TSPAN9: variants seen among roughly 807,000 people sequenced by gnomAD.
The protein encoded by TSPAN9 is tetraspanin-9.
A neutral mutation model predicts 31.0 loss-of-function variants in TSPAN9; 16 were observed. That is an observed-to-expected ratio of 0.52 (90% CI 0.35 to 0.78). The LOEUF (loss-of-function observed/expected upper bound fraction) is 0.78. Ranked by LOEUF, TSPAN9 falls within the 30% of genes least tolerant of loss-of-function variation. The pLI, the probability that TSPAN9 is intolerant of heterozygous loss-of-function variation, is 0.01. For synonymous variants in TSPAN9, 145 were observed against 121.6 expected, an observed-to-expected ratio of 1.19 and a Z score of -1.27; for missense variants, 272 against 312.5, an observed-to-expected ratio of 0.87 and a Z score of 0.98.
At chr12:3,079,035 A>C (rs2098296504) in intron 1 of TSPAN9, among the ~76,000 whole-genome samples, 1 of 148,448 alleles carries the variant, frequency 6.7e-6, no homozygotes, top group South Asian at 2.1e-4. Flanking sequence ...GCTGGAGTGC[A>C]GTGGCAGGAT....
At chr12:3,098,214 A>T (rs2153964135) in intron 2 of TSPAN9, among the ~76,000 whole-genome samples, 1 of 152,170 alleles carries the variant, frequency 6.6e-6, no homozygotes, top group East Asian at 1.9e-4. Flanking sequence ...ATGATGCCTG[A>T]AGTCCTTTCT....
At chr12:3,167,582 A>T (rs2098349194) in intron 2 of TSPAN9, among the ~76,000 whole-genome samples, 1 of 152,186 alleles carries the variant, frequency 6.6e-6, no homozygotes, top group Non-Finnish European at 1.5e-5. Context: ...GCTGGAAGGG[A>T]TGATGGTGAT....
intron 2 of TSPAN9, among the ~76,000 whole-genome samples, chr12:3,139,822 A>C (rs898260726): frequency 1.3e-5 from 2 of 152,166 alleles, no homozygotes; most frequent in African/African-American, 4.8e-5. Flanking sequence ...TGTTAGGATT[A>C]CAGGCAGGAG....
intron 3 of TSPAN9, among the ~76,000 whole-genome samples, chr12:3,251,680 A>G (rs1380698778): frequency 6.6e-6 from 1 of 152,262 alleles, no homozygotes; most frequent in East Asian, 1.9e-4. Flanking sequence ...GGACAGAGGG[A>G]CACACAGGAC....
intron 3 of TSPAN9, among the ~76,000 whole-genome samples, chr12:3,213,346 G>A (rs1023983721): frequency 1.3e-5 from 2 of 152,198 alleles, no homozygotes. Flanking sequence ...CTCAAGGGGG[G>A]CTTCCCCCGC....
At chr12:3,138,064 C>T (rs1009493138) in intron 2 of TSPAN9, among the ~76,000 whole-genome samples, 3 of 152,202 alleles carry the variant, frequency 2.0e-5, no homozygotes, top group Admixed American at 6.5e-5. Flanking sequence ...CTCAGCACTC[C>T]CTTCAGGAGC....
chr12:3,184,408 AAAG>A, intron 2 of TSPAN9, among the ~76,000 whole-genome samples: 1 of 148,936 alleles, frequency 6.7e-6, no homozygotes, highest in African/African-American at 2.6e-5. Context: ...AAAAAGAAAA[AAAG>A]AAAGAAAGAG....
At chr12:3,100,110 C>G (rs2153964305) in intron 2 of TSPAN9, among the ~76,000 whole-genome samples, 1 of 152,248 alleles carries the variant, frequency 6.6e-6, no homozygotes, top group Admixed American at 6.5e-5. Context: ...TCCCAAAGTG[C>G]TGGGATTACA....
intron 2 of TSPAN9, among the ~76,000 whole-genome samples, chr12:3,152,980 C>A (rs547614528): frequency 2.6e-5 from 4 of 152,228 alleles, no homozygotes; most frequent in African/African-American, 9.7e-5. Context: ...ACACACCTGA[C>A]GGGTGGGGGC....
chr12:3,226,811 C>A (rs1322008926), intron 3 of TSPAN9, among the ~76,000 whole-genome samples: 2 of 68,690 alleles, frequency 2.9e-5, no homozygotes, highest in South Asian at 5.8e-4. Flanking sequence ...TTTTTTTTTC[C>A]CTCTTCGAAC....
At chr12:3,277,958 C>T (rs1455291421) in intron 3 of TSPAN9, among the ~76,000 whole-genome samples, 1 of 152,204 alleles carries the variant, frequency 6.6e-6, no homozygotes, top group African/African-American at 2.4e-5. Context: ...CCAAGAAACC[C>T]GACTCCGAGG....
chr12:3,153,673 A>G (rs2098340910), intron 2 of TSPAN9, among the ~76,000 whole-genome samples: 1 of 152,124 alleles, frequency 6.6e-6, no homozygotes, highest in Admixed American at 6.5e-5. Context: ...ATACATTAAT[A>G]TGTTAATATT....
Position 3,238,687 on chromosome 12 carries a change from G to A in TSPAN9, c.63+37431G>A, listed in dbSNP as rs184960784. On this transcript the variant is annotated intron_variant, in intron 3 of 8. Coordinates refer to ENST00000011898, the MANE Select transcript of TSPAN9 (RefSeq NM_006675.5). ...GCCTTCATTTCTCCACTCAAAAAACGGGGTAAAGATTCTCTCTTTAAACCC... is the reference window on the plus strand; with the variant it reads ...GCCTTCATTTCTCCACTCAAAAAACAGGGTAAAGATTCTCTCTTTAAACCC... Among the ~76,000 whole-genome samples the A allele has an allele frequency of 5.2e-4, 79 of 152,274 alleles. 1 individual carries two copies. The highest frequency in any genetic ancestry group is 8.8e-4 in the Non-Finnish European group (60 of 68,024).
At chr12:3,282,090 C>A in intron 8 of TSPAN9, 1 of 646,594 alleles carries the variant, frequency 1.5e-6, no homozygotes, top group South Asian at 1.7e-5. Flanking sequence ...GTGGGTTCCC[C>A]CAGTTCTGCC....
intron 2 of TSPAN9, among the ~76,000 whole-genome samples, chr12:3,115,902 A>T (rs1373381732): frequency 2.0e-5 from 3 of 152,164 alleles, no homozygotes; most frequent in Non-Finnish European, 4.4e-5. Context: ...TTACATTCCC[A>T]CTAGAAGTGT....
At chr12:3,231,161 T>G (rs2098390553) in intron 3 of TSPAN9, among the ~76,000 whole-genome samples, 1 of 152,134 alleles carries the variant, frequency 6.6e-6, no homozygotes, top group African/African-American at 2.4e-5. Flanking sequence ...CTTTCTACCC[T>G]GTGGAGTCTC....
intron 3 of TSPAN9, among the ~76,000 whole-genome samples, chr12:3,220,541 G>A (rs888545751): frequency 8.5e-5 from 13 of 152,294 alleles, no homozygotes; most frequent in South Asian, 8.3e-4. Context: ...GTGAAGCTTC[G>A]TCGATTCTGC....
intron 3 of TSPAN9, among the ~76,000 whole-genome samples, chr12:3,231,648 C>T (rs1045794118): frequency 2.0e-5 from 3 of 152,220 alleles, no homozygotes; most frequent in African/African-American, 7.2e-5. Context: ...TGGCCAGTCC[C>T]CATGCCAGGG....
At chr12:3,136,101 G>A (rs946025375) in intron 2 of TSPAN9, among the ~76,000 whole-genome samples, 1 of 152,334 alleles carries the variant, frequency 6.6e-6, no homozygotes, top group South Asian at 2.1e-4. Flanking sequence ...CCTGGCCTGG[G>A]AGGGACAACA....
Sources: gnomAD v4.1 joint callset for allele counts (sites outside exome capture counted in the v4.1 genomes callset) on GRCh38, gnomAD v4.1.1 for gene constraint, MANE v1.5 for transcripts, NCBI Gene and HGNC (gene_info 2026-07-23, HGNC 2026-07-21) for gene names.